KIAA1217: variants seen among roughly 807,000 people sequenced by gnomAD.
KIAA1217 encodes the protein KIAA1217.
In KIAA1217, 88 loss-of-function variants were observed where a neutral mutation model predicts 163.9. That is an observed-to-expected ratio of 0.54 (90% CI 0.45 to 0.64). The LOEUF (loss-of-function observed/expected upper bound fraction) is 0.64, where lower values mean the gene tolerates loss of function less well. KIAA1217 is among the 30% of genes least tolerant of loss of function. The probability of loss-of-function intolerance (pLI) is 0.00; values close to 1 mark genes in which losing one functional copy is unlikely to be tolerated. For synonymous variants in KIAA1217, 903 were observed against 923.1 expected, an observed-to-expected ratio of 0.98 and a Z score of 0.39; for missense variants, 2,372 against 2,475.0, an observed-to-expected ratio of 0.96 and a Z score of 0.88.
At chr10:23,827,022 A>G (rs908614705) in intron 1 of KIAA1217, among the ~76,000 whole-genome samples, 1 of 152,174 alleles carries the variant, frequency 6.6e-6, no homozygotes, top group African/African-American at 2.4e-5. Context: ...AGATACTTAG[A>G]ATCTGGTGAG....
chr10:24,083,190 G>T (rs2061592383), intron 2 of KIAA1217, among the ~76,000 whole-genome samples: 1 of 152,176 alleles, frequency 6.6e-6, no homozygotes, highest in South Asian at 2.1e-4. Flanking sequence ...TTGTAGAGGA[G>T]CAGGATGGGA....
chr10:23,956,752 C>T (rs548215553), intron 1 of KIAA1217, among the ~76,000 whole-genome samples: 10 of 152,190 alleles, frequency 6.6e-5, no homozygotes, highest in African/African-American at 1.9e-4. Flanking sequence ...CAGTGTATCT[C>T]GTGGCAAGAG....
chr10:24,445,537 C>CA lies in KIAA1217; in HGVS notation c.846+7059dup, dbSNP rs1230667531. Among the ~76,000 whole-genome samples, 3 of 117,318 alleles carry CA rather than the reference C, an allele frequency of 2.6e-5. No homozygotes were observed. In the South Asian group the frequency reaches 1.1e-3, roughly 41 times the overall value. 77.0% of individuals were successfully genotyped at this position (117,318 alleles called of 152,430 possible). On this transcript the variant is annotated intron_variant, in intron 5 of 20. Coordinates refer to ENST00000376454, the MANE Select transcript of KIAA1217 (RefSeq NM_019590.5). The stretch of plus-strand genomic sequence containing the variant: ...TAATGCTATCCCTCCCCCCTCCCCC[C>CA]ACCCCACAACAGTCCCTGGTGTGTG...
chr10:24,092,927 GT>G (rs1380880991), intron 2 of KIAA1217, among the ~76,000 whole-genome samples: 7 of 117,586 alleles, frequency 6.0e-5, no homozygotes, highest in East Asian at 4.1e-4. Context: ...GTGTGTGTGT[GT>G]TGTGTGTGTG....
At chr10:23,952,789 A>G (rs1844398275) in intron 1 of KIAA1217, among the ~76,000 whole-genome samples, 1 of 152,228 alleles carries the variant, frequency 6.6e-6, no homozygotes, top group African/African-American at 2.4e-5. Context: ...TAAGCTGTTA[A>G]TATTGCTATT....
intron 1 of KIAA1217, among the ~76,000 whole-genome samples, chr10:23,883,590 C>T (rs149523000): frequency 4.2e-4 from 64 of 152,012 alleles, no homozygotes; most frequent in African/African-American, 1.4e-3. Context: ...TCCACCAAAT[C>T]GATACCTTGA....
chr10:24,187,156 C>G (rs1238000304), intron 2 of KIAA1217, among the ~76,000 whole-genome samples: 1 of 152,116 alleles, frequency 6.6e-6, no homozygotes, highest in Non-Finnish European at 1.5e-5. Flanking sequence ...GCAGAAAACC[C>G]TGATTATAGA....
At chr10:23,778,292 G>A (rs560862704) in intron 1 of KIAA1217, among the ~76,000 whole-genome samples, 13 of 152,144 alleles carry the variant, frequency 8.5e-5, no homozygotes, top group South Asian at 2.1e-4. Context: ...GATAAAAACC[G>A]TTTTTATTTC....
At chr10:24,035,961 C>T (rs1326047526) in intron 2 of KIAA1217, among the ~76,000 whole-genome samples, 1 of 152,196 alleles carries the variant, frequency 6.6e-6, no homozygotes, top group Non-Finnish European at 1.5e-5. Flanking sequence ...CATGCATGAG[C>T]AACCACTGGT....
At chr10:23,783,990 T>TA (rs557107428) in intron 1 of KIAA1217, among the ~76,000 whole-genome samples, 8 of 151,566 alleles carry the variant, frequency 5.3e-5, no homozygotes, top group Admixed American at 1.3e-4. Flanking sequence ...ATTTATTTAT[T>TA]AAAAAAAAAC....
chr10:24,185,119 C>A (rs2066359830), intron 2 of KIAA1217, among the ~76,000 whole-genome samples: 1 of 152,174 alleles, frequency 6.6e-6, no homozygotes, highest in Non-Finnish European at 1.5e-5. Context: ...ACCAATCTCT[C>A]ATCTAGAAGG....
Position 24,474,024 on chromosome 10 carries a change from A to G in KIAA1217, c.1643A>G (p.Tyr548Cys), listed in dbSNP as rs769023467. ...PPLMEKQVFA[Y>C]STATIPKDRE... ...CTAATGGAGAAGCAAGTTTTTGCCTACAGCACGGCGACAATACCCAAAGAC... is the reference window on the plus strand; with the variant it reads ...CTAATGGAGAAGCAAGTTTTTGCCTGCAGCACGGCGACAATACCCAAAGAC... The change falls in exon 6 of 21, where the codon TAC becomes TGC. Residue 548 changes from tyrosine (Y) to cysteine (C), a missense_variant. Transcript: ENST00000376454. 1.2e-6 allele frequency: 2 copies of G among 1,611,366 alleles called. No homozygotes were observed. Among genetic ancestry groups the G allele is most frequent in the Admixed American group, 1.7e-5 (1 of 59,756 alleles).
intron 2 of KIAA1217, among the ~76,000 whole-genome samples, chr10:24,261,002 A>G (rs560683378): frequency 6.6e-6 from 1 of 152,328 alleles, no homozygotes; most frequent in Non-Finnish European, 1.5e-5. Flanking sequence ...TGTTTACAAG[A>G]GACCCAGTTA....
intron 1 of KIAA1217, among the ~76,000 whole-genome samples, chr10:23,777,044 A>G (rs1371322687): frequency 6.6e-6 from 1 of 152,106 alleles, no homozygotes; most frequent in East Asian, 1.9e-4. Context: ...TTCTCTCATG[A>G]GCATATCATT....
At chr10:24,508,667 A>G (rs1293633351) in intron 9 of KIAA1217, among the ~76,000 whole-genome samples, 1 of 152,258 alleles carries the variant, frequency 6.6e-6, no homozygotes, top group Non-Finnish European at 1.5e-5. Flanking sequence ...GTACACAAAT[A>G]TTAAAATTTT....
intron 3 of KIAA1217, among the ~76,000 whole-genome samples, chr10:24,429,007 G>T (rs1454458220): frequency 1.3e-5 from 2 of 152,176 alleles, no homozygotes; most frequent in African/African-American, 4.8e-5. Flanking sequence ...ATAAGAGTAA[G>T]AAATAGTATG....
intron 8 of KIAA1217, among the ~76,000 whole-genome samples, chr10:24,499,590 G>T (rs2067252611): frequency 6.6e-6 from 1 of 152,096 alleles, no homozygotes; most frequent in African/African-American, 2.4e-5. Context: ...AAATTAACTG[G>T]GTGTTGTGGT....
intron 1 of KIAA1217, among the ~76,000 whole-genome samples, chr10:23,829,895 C>A (rs1396600714): frequency 6.6e-6 from 1 of 151,972 alleles, no homozygotes; most frequent in Non-Finnish European, 1.5e-5. Context: ...TGTTGTGAAA[C>A]TAAATAAATT....
At chr10:23,966,083 G>A (rs1845055201) in intron 1 of KIAA1217, among the ~76,000 whole-genome samples, 1 of 152,304 alleles carries the variant, frequency 6.6e-6, no homozygotes, top group South Asian at 2.1e-4. Flanking sequence ...CTTTATGAGT[G>A]TGTGGGCTGT....
Sources: allele counts gnomAD v4.1 joint callset (sites outside exome capture counted in the v4.1 genomes callset), GRCh38; gene constraint gnomAD v4.1.1; transcripts MANE v1.5; gene names NCBI Gene and HGNC (gene_info 2026-07-23, HGNC 2026-07-21).